The following ADGRF5 variants were observed in gnomAD, a reference collection of about 807,000 sequenced individuals.
The protein encoded by ADGRF5 is adhesion G protein-coupled receptor F5.
Under a neutral mutation model 132.3 loss-of-function variants are expected in ADGRF5, and 75 were observed. The ratio of observed to expected loss-of-function variants is 0.57; its 90% CI spans 0.47 to 0.69. The LOEUF is 0.69. Ranked by LOEUF, ADGRF5 falls within the 30% of genes least tolerant of loss-of-function variation. The pLI, the probability that ADGRF5 is intolerant of heterozygous loss-of-function variation, is 0.00. For missense variants in ADGRF5, 1,516 were observed against 1,630.6 expected (o/e 0.93, Z 1.21); for synonymous variants, 629 against 597.6 (o/e 1.05, Z -0.77).
intron 15 of ADGRF5, among the ~76,000 whole-genome samples, 175 bp from the exon 16 acceptor site, chr6:46,861,069 T>C (rs1195024144): frequency 6.6e-6 from 1 of 152,198 alleles, no homozygotes; most frequent in Non-Finnish European, 1.5e-5. Flanking sequence ...ATGCATGCTC[T>C]TCAGAACAGA....
chr6:46,940,246 T>C (rs1469704084), intron 1 of ADGRF5, among the ~76,000 whole-genome samples: 1 of 152,250 alleles, frequency 6.6e-6, no homozygotes, highest in Non-Finnish European at 1.5e-5. Flanking sequence ...AAAGATTAAT[T>C]GAGCCACTTG....
At chr6:46,931,827 G>A (rs1358265880) in intron 1 of ADGRF5, among the ~76,000 whole-genome samples, 1 of 152,238 alleles carries the variant, frequency 6.6e-6, no homozygotes, top group Non-Finnish European at 1.5e-5. Context: ...GGCTGAGGCA[G>A]AAGAATCGCT....
At chr6:46,857,040 G>A (rs1769138055) in intron 17 of ADGRF5, 132 bp from the exon 18 acceptor site, 4 of 710,532 alleles carry the variant, frequency 5.6e-6, no homozygotes, top group Non-Finnish European at 1.0e-5. Context: ...AATGAGTCCA[G>A]TACATGATAC....
chr6:46,932,632 A>G (rs1406883636), intron 1 of ADGRF5, among the ~76,000 whole-genome samples: 1 of 152,208 alleles, frequency 6.6e-6, no homozygotes, highest in Non-Finnish European at 1.5e-5. Context: ...AGTACAAAAC[A>G]GATGCTCAAT....
At chr6:46,908,947 A>G (rs868842078) in intron 1 of ADGRF5, 4 of 152,314 alleles carry the variant, frequency 2.6e-5, no homozygotes, top group Non-Finnish European at 5.9e-5. Flanking sequence ...GACCTGACCA[A>G]TGGGAACAGT....
intron 1 of ADGRF5, among the ~76,000 whole-genome samples, chr6:46,939,161 C>T (rs576188193): frequency 2.0e-4 from 31 of 152,334 alleles, no homozygotes; most frequent in Admixed American, 1.0e-3. Context: ...TGAGCCACCA[C>T]GCCCAGCCTT....
At chr6:46,927,977 G>A (rs192763493) in intron 1 of ADGRF5, among the ~76,000 whole-genome samples, 1 of 152,114 alleles carries the variant, frequency 6.6e-6, no homozygotes, top group East Asian at 1.9e-4. Flanking sequence ...TGAGACAGAC[G>A]CATAGGCTAT....
At chr6:46,854,755 C>G in intron 20 of ADGRF5, 1 of 1,287,130 alleles carries the variant, frequency 7.8e-7, no homozygotes, top group Non-Finnish European at 1.0e-6. Flanking sequence ...AGGTTTCCGT[C>G]ATGGCCTGGG....
At chr6:46,862,311 C>A (rs528786948) in intron 15 of ADGRF5, among the ~76,000 whole-genome samples, 2 of 152,118 alleles carry the variant, frequency 1.3e-5, no homozygotes, top group South Asian at 4.2e-4. Context: ...TGTGGAGGTC[C>A]CATTTTTTTA....
At chr6:46,857,821 A>T (rs973558116) in intron 17 of ADGRF5, among the ~76,000 whole-genome samples, 1 of 152,216 alleles carries the variant, frequency 6.6e-6, no homozygotes, top group African/African-American at 2.4e-5. Context: ...CATTTAGGAG[A>T]TAATAGACTA....
In ADGRF5 at chr6:46,859,023, C is replaced by A. The variant is rs1562139787; in HGVS notation, c.2880G>T (p.Arg960Ser). Residue 960 changes from arginine (R) to serine (S), a missense_variant, in exon 17 of 21, where the codon AGG (arginine) becomes AGT (serine). Arg to Ser is a moderately radical substitution (Grantham distance 110). Around this residue, in one of 2 missense-constraint regions of ADGRF5, gnomAD observed 571 missense variants for 701.2 expected, o/e 0.81. Coordinates refer to ENST00000283296, the MANE Select transcript of ADGRF5 (RefSeq NM_001098518.2). ...CCCACCCCCCTGTGTTGTTGGCAAG[C>A]CTGAAGTTCCAGAAGACACACTTCG... is the stretch of plus-strand genomic sequence containing the variant. ...GETKCVFWNF[R>S]LANNTGGWDS... is the part of the protein sequence containing the mutation. 3.1e-6 allele frequency: 5 copies of A among 1,614,164 alleles called. No homozygotes were observed. Among genetic ancestry groups the A allele is most frequent in the Admixed American group, 3.3e-5 (2 of 60,026 alleles).
rs181583263 is a variant in ADGRF5 at position 46,897,923 on chromosome 6, G to A, written c.157+2106C>T. ...TTCTATGGCCATTTCTTACTTCAGC[G>A]ATTTTGTAAAAGTACCAAGGCCAAT... On this transcript the variant is annotated intron_variant, in intron 3 of 20. Coordinates refer to ENST00000283296, the MANE Select transcript of ADGRF5 (RefSeq NM_001098518.2). Among the ~76,000 whole-genome samples the A allele has an allele frequency of 9.7e-4, 147 of 152,256 alleles. 1 individual carries two copies. Among genetic ancestry groups the A allele is most frequent in the Non-Finnish European group, 1.6e-3 (108 of 68,026 alleles).
intron 1 of ADGRF5, among the ~76,000 whole-genome samples, chr6:46,942,016 T>G (rs1329079402): frequency 6.6e-6 from 1 of 152,240 alleles, no homozygotes; most frequent in Non-Finnish European, 1.5e-5. Context: ...ACTCCTTTTT[T>G]GTCATCTTAC....
chr6:46,945,591 G>C (rs1188426998), intron 1 of ADGRF5, among the ~76,000 whole-genome samples: 1 of 152,204 alleles, frequency 6.6e-6, no homozygotes, highest in Non-Finnish European at 1.5e-5. Flanking sequence ...AAACAGGCTT[G>C]GGACAGTGCT....
upstream of ADGRF5, among the ~76,000 whole-genome samples, chr6:46,924,502 G>A (rs1036021453): frequency 6.6e-6 from 1 of 152,162 alleles, no homozygotes; most frequent in Non-Finnish European, 1.5e-5. Flanking sequence ...CTCAGTCTTT[G>A]AAACCCTTCT....
intron 2 of ADGRF5, among the ~76,000 whole-genome samples, chr6:46,905,017 A>T (rs1423020946): frequency 6.6e-6 from 1 of 152,112 alleles, no homozygotes; most frequent in East Asian, 1.9e-4. Context: ...ACCAGCCTTC[A>T]CCACCAGGCA....
upstream of ADGRF5, among the ~76,000 whole-genome samples, chr6:46,923,862 G>C (rs777021489): frequency 6.6e-6 from 1 of 152,188 alleles, no homozygotes; most frequent in Non-Finnish European, 1.5e-5. Context: ...CCCTGTCGTA[G>C]CTACGGCTGG....
intron 1 of ADGRF5, among the ~76,000 whole-genome samples, chr6:46,951,717 C>T (rs966328277): frequency 5.9e-5 from 9 of 152,188 alleles, no homozygotes; most frequent in African/African-American, 2.2e-4. Flanking sequence ...GGCCTTTCCT[C>T]CCTCCTCATC....
At chr6:46,942,365 G>T (rs1395484888) in intron 1 of ADGRF5, among the ~76,000 whole-genome samples, 3 of 152,214 alleles carry the variant, frequency 2.0e-5, no homozygotes, top group African/African-American at 7.2e-5. Context: ...TGTTTGTTAT[G>T]AATGAATCCC....
Sources: gnomAD v4.1 joint callset for allele counts (sites outside exome capture counted in the v4.1 genomes callset) on GRCh38, gnomAD v4.1.1 for gene constraint, gnomAD v4.1.1 regional missense constraint, MANE v1.5 for transcripts, NCBI Gene and HGNC (gene_info 2026-07-23, HGNC 2026-07-21) for gene names.